Variants in SYDE2 observed in about 807,000 individuals in gnomAD.
The protein encoded by SYDE2 is rho GTPase-activating protein SYDE2.
A neutral mutation model predicts 91.5 loss-of-function variants in SYDE2; 76 were observed. The observed-to-expected ratio is 0.83, with a 90% CI of 0.69 to 1.01. The LOEUF is 1.01. SYDE2 is among the 50% of genes least tolerant of loss of function. SYDE2 has a pLI of 0.00. For missense variants in SYDE2, 1,364 were observed against 1,367.7 expected (o/e 1.00, Z 0.04); for synonymous variants, 513 against 506.4 (o/e 1.01, Z -0.18).
In SYDE2 at chr1:85,200,603, C is replaced by A; in HGVS notation, c.394G>T (p.Asp132Tyr). The A allele has an allele frequency of 6.4e-7, 1 of 1,563,492 alleles. No homozygotes were observed. The change falls in exon 1 of 7, where the codon GAC (aspartate) becomes TAC (tyrosine). Residue 132 changes from aspartate to tyrosine, a missense_variant. Transcript: ENST00000341460. ...RGGRMDGWSG[D>Y]RARAAAPTGL... ...GTGGGTGCAGCCGCCCGGGCGCGGT[C>A]CCCACTCCAGCCGTCCATCCTGCCT...
At chr1:85,178,926 T>A (rs1405193541) in intron 3 of SYDE2, among the ~76,000 whole-genome samples, 7 of 151,962 alleles carry the variant, frequency 4.6e-5, no homozygotes. Flanking sequence ...TTATATAAGA[T>A]GCACAGACAC....
intron 1 of SYDE2, 133 bp downstream of exon 1, chr1:85,200,119 T>TA: frequency 6.6e-7 from 1 of 1,516,800 alleles, no homozygotes; most frequent in Non-Finnish European, 8.8e-7. Flanking sequence ...AGCTGCCACT[T>TA]ACATGACACT....
Position 85,158,751 on chromosome 1 carries a change from C to A in SYDE2, c.3584G>T (p.Ter1195LeuextTer2), listed in dbSNP as rs1656953555. 2.8e-6 allele frequency: 2 copies of A among 724,340 alleles called. No homozygotes were observed. The allele number at this position is 724,340 out of a possible 1,614,324, so 44.9% of individuals were successfully genotyped here. ...CATTACAAAAAAAAACCCTCAATCT[C>A]AAAAACTCATATTAAGCTTGTTTTT... ...LNKNKLNMSF[*>L] The change falls in exon 7 of 7, where the codon TGA becomes TTA. Residue 1195 changes from the stop codon to leucine (L), a stop_lost. Coordinates refer to ENST00000341460, the MANE Select transcript of SYDE2 (RefSeq NM_032184.2).
At chr1:85,154,760 T>C (rs1656838614), downstream of SYDE2, among the ~76,000 whole-genome samples, 1 of 151,936 alleles carries the variant, frequency 6.6e-6, no homozygotes, top group Non-Finnish European at 1.5e-5. Context: ...TCCGAATCTT[T>C]CTAGCCTGGA....
In SYDE2 at chr1:85,157,369, G is replaced by T. The variant is rs1253225571; in HGVS notation, c.*1381C>A. 6.6e-6 allele frequency: 1 copy of T among 151,856 alleles called. No homozygotes were observed. Among genetic ancestry groups the T allele is most frequent in the Non-Finnish European group, 1.5e-5 (1 of 67,930 alleles). The allele number at this position is 151,856 out of a possible 1,614,324, so 9.4% of individuals were successfully genotyped here. On this transcript the variant is annotated 3_prime_UTR_variant, in exon 7 of 7. Coordinates refer to ENST00000341460, the MANE Select transcript of SYDE2 (RefSeq NM_032184.2). ...TTCTATAACATTGTATATATACTTA[G>T]CCAAAATAAGTTAATTTTTAAAAAT...
chr1:85,185,686 A>C (rs1197533136), intron 2 of SYDE2, among the ~76,000 whole-genome samples: 1 of 152,156 alleles, frequency 6.6e-6, no homozygotes, highest in Non-Finnish European at 1.5e-5. Context: ...TTATCAGCTT[A>C]AGGAGATTTT....
chr1:85,177,908 C>G (rs1657764321), intron 4 of SYDE2, among the ~76,000 whole-genome samples: 1 of 151,692 alleles, frequency 6.6e-6, no homozygotes, highest in African/African-American at 2.4e-5. Context: ...TTTCTGCTAG[C>G]TACTATAGCT....
Position 85,158,675 on chromosome 1 carries a change from G to A in SYDE2, c.*75C>T, listed in dbSNP as rs551360838. ...TCAAGAGTAAAAAAATGAAAACATC[G>A]CTGTGGGTGGTATAAGAAAATAAAA... On this transcript the variant is annotated 3_prime_UTR_variant, in exon 7 of 7. Coordinates refer to ENST00000341460, the MANE Select transcript of SYDE2 (RefSeq NM_032184.2). 677 of 601,174 alleles carry A rather than the reference G, an allele frequency of 1.1e-3. 2 individuals are homozygous for A. Among genetic ancestry groups the A allele is most frequent in the Non-Finnish European group, 1.6e-3 (538 of 336,530 alleles). The allele number at this position is 601,174 out of a possible 1,614,324, so 37.2% of individuals were successfully genotyped here.
chr1:85,175,100 GTAGT>G (rs1657646054), intron 4 of SYDE2, among the ~76,000 whole-genome samples: 2 of 152,168 alleles, frequency 1.3e-5, no homozygotes, highest in African/African-American at 4.8e-5. Flanking sequence ...CTATTTTACA[GTAGT>G]TAGATACATG....
At position 85,182,368 on chromosome 1, in the gene SYDE2, A is replaced by G. The variant is rs750208310; in HGVS notation, c.2274T>C (p.Val758=). 1.1e-5 allele frequency: 18 copies of G among 1,613,766 alleles called. No individual in the cohort carries two copies. The East Asian group carries it at 3.6e-4, about 32-fold the overall frequency. ...GAAGAACAACAGTTCCATGACAACA[A>G]ACTCGATTTTTTCTTGGAGTGGGTT... is the stretch of plus-strand genomic sequence containing the variant. ...SWEPTPRKNR[V]CCHGTVVLPT... The change falls in exon 3 of 7, where the codon GTT becomes GTC. Residue 758 remains valine, a synonymous_variant. Coordinates refer to ENST00000341460, the MANE Select transcript of SYDE2 (RefSeq NM_032184.2).
Position 85,200,642 on chromosome 1 carries a change from G to T in SYDE2, c.355C>A (p.Pro119Thr). Residue 119 changes from proline to threonine, a missense_variant, in exon 1 of 7, where the codon CCC becomes ACC. By Grantham distance (38) the Pro-to-Thr change is conservative. Transcript: ENST00000341460. ...RCGAHRDWDE[P>T]PPRGGRMDGW... The stretch of plus-strand genomic sequence containing the variant: ...TCCATCCTGCCTCCACGTGGCGGGG[G>T]CTCGTCCCAGTCCCGGTGCGCGCCG... 1 of 1,542,938 alleles carries T rather than the reference G, an allele frequency of 6.5e-7. No homozygotes were observed.
chr1:85,188,137 A>G (rs1658224917), intron 2 of SYDE2, among the ~76,000 whole-genome samples: 1 of 152,124 alleles, frequency 6.6e-6, no homozygotes, highest in South Asian at 2.1e-4. Context: ...TCTCTGAACT[A>G]TTCTATATCC....
chr1:85,187,990 AC>A (rs1418167398), intron 2 of SYDE2, among the ~76,000 whole-genome samples: 2 of 152,030 alleles, frequency 1.3e-5, no homozygotes, highest in Non-Finnish European at 2.9e-5. Context: ...GTGCACATGT[AC>A]CCTAAAACTT....
downstream of SYDE2, chr1:85,154,341 T>C (rs1318451085): frequency 1.4e-5 from 2 of 145,370 alleles, no homozygotes; most frequent in African/African-American, 5.2e-5. Context: ...TCTAAAATTT[T>C]CCAGACAGTT....
At chr1:85,163,132 A>C (rs1657121579) in intron 6 of SYDE2, among the ~76,000 whole-genome samples, 1 of 145,778 alleles carries the variant, frequency 6.9e-6, no homozygotes, top group African/African-American at 2.5e-5. Flanking sequence ...TTTGAGACGG[A>C]GTCTCACGCT....
downstream of SYDE2, among the ~76,000 whole-genome samples, chr1:85,156,708 G>T (rs1196359512): frequency 6.6e-6 from 1 of 151,990 alleles, no homozygotes; most frequent in Non-Finnish European, 1.5e-5. Flanking sequence ...TACAAGCATG[G>T]CCCTTAAAAG....
chr1:85,153,388 A>G (rs545088597), downstream of SYDE2: 2 of 152,386 alleles, frequency 1.3e-5, no homozygotes, highest in South Asian at 2.1e-4. Flanking sequence ...TGGCTGGGAT[A>G]TACAGGGGGG....
At chr1:85,174,233 G>A (rs760498148) in intron 4 of SYDE2, among the ~76,000 whole-genome samples, 2 of 152,182 alleles carry the variant, frequency 1.3e-5, no homozygotes, top group Non-Finnish European at 2.9e-5. Context: ...GCCTCTCAGT[G>A]AGTAGAAAGA....
intron 5 of SYDE2, 69 bp from the exon 6 acceptor site, chr1:85,164,826 G>A (rs1239161639): frequency 9.0e-6 from 8 of 888,954 alleles, no homozygotes; most frequent in Non-Finnish European, 1.2e-5. Flanking sequence ...TTTATAGCAG[G>A]AAATACAGAT....
Sources: allele counts gnomAD v4.1 joint callset (sites outside exome capture counted in the v4.1 genomes callset), GRCh38; gene constraint gnomAD v4.1.1; transcripts MANE v1.5; gene names NCBI Gene and HGNC (gene_info 2026-07-23, HGNC 2026-07-21).